The following ITFG2 variants were observed in gnomAD, a reference collection of about 807,000 sequenced individuals.
ITFG2 encodes the protein integrin alpha FG-GAP repeat containing 2, also known as KICSTOR complex protein ITFG2.
In ITFG2, 36 loss-of-function variants were observed where a neutral mutation model predicts 54.4. The ratio of observed to expected loss-of-function variants is 0.66; its 90% confidence interval spans 0.51 to 0.87. ITFG2 has a LOEUF of 0.87. Among genes scored for constraint, ITFG2 ranks in the 40% least tolerant of loss-of-function variants. The pLI is 0.00. For missense variants in ITFG2, 524 were observed against 576.7 expected (o/e 0.91, Z 0.94); for synonymous variants, 211 against 225.4 (o/e 0.94, Z 0.57).
intron 2 of ITFG2, among the ~76,000 whole-genome samples, chr12:2,844,275 T>C (rs1453209596): frequency 6.6e-6 from 1 of 151,242 alleles, no homozygotes; most frequent in Non-Finnish European, 1.5e-5. Flanking sequence ...AAAATAAGGC[T>C]GGGCATGGTG....
chr12:2,851,492 G>A (rs952156308), intron 2 of ITFG2, among the ~76,000 whole-genome samples: 4 of 151,702 alleles, frequency 2.6e-5, no homozygotes, highest in Non-Finnish European at 5.9e-5. Flanking sequence ...ACAGGGCCCC[G>A]CCACCATGCC....
chr12:2,817,463 A>C (rs373045053), intron 2 of ITFG2, 145 bp downstream of exon 2: 1 of 613,964 alleles, frequency 1.6e-6, no homozygotes, highest in Admixed American at 2.9e-5. Flanking sequence ...AGCCAATTTG[A>C]TTCAGGGAGG....
intron 5 of ITFG2, 103 bp from the exon 6 acceptor site, chr12:2,820,621 T>TGGCCCAG: frequency 2.0e-6 from 1 of 491,836 alleles, no homozygotes; most frequent in Non-Finnish European, 3.8e-6. Flanking sequence ...ACTGCTGCCC[T>TGGCCCAG]GCCCCTGCCC....
chr12:2,817,299 C>T lies in ITFG2; in HGVS notation c.173C>T (p.Thr58Ile). 6.2e-7 allele frequency: 1 copy of T among 1,613,296 alleles called. No individual in the cohort carries two copies. The change falls in exon 2 of 12, where the codon ACC becomes ATC. Residue 58 changes from threonine (T) to isoleucine (I), a missense_variant. Transcript: ENST00000228799. ...AATGATGACAGTCGGCCATGGCTCA[C>T]CTGTTCCTGCCAGGGAATGGTCAGT... ...YKNDDSRPWLTCSCQGMLTCV... is the reference protein window; with the variant it reads ...YKNDDSRPWLICSCQGMLTCV...
chr12:2,836,170 C>T (rs751681835), upstream of ITFG2, among the ~76,000 whole-genome samples: 1 of 152,226 alleles, frequency 6.6e-6, no homozygotes, highest in Admixed American at 6.5e-5. Context: ...ATCCCATATA[C>T]AGCTTTGCCT....
chr12:2,858,527 G>A, intron 3 of ITFG2: 2 of 895,300 alleles, frequency 2.2e-6, no homozygotes, highest in Non-Finnish European at 3.3e-6. Context: ...AGGGAGCTAT[G>A]AGGAGCAGAA....
upstream of ITFG2, chr12:2,835,693 AAAG>A (rs1476702564): frequency 6.6e-6 from 1 of 152,240 alleles, no homozygotes; most frequent in Non-Finnish European, 1.5e-5. Context: ...CAGAAGTTAT[AAAG>A]AATAAGATAA....
At chr12:2,825,350 G>A (rs1386998181), downstream of ITFG2, 1 of 152,300 alleles carries the variant, frequency 6.6e-6, no homozygotes, top group African/African-American at 2.4e-5. Flanking sequence ...CATCGACATA[G>A]AGAAACAAGA....
chr12:2,814,380 T>C (rs550668584), intron 1 of ITFG2, among the ~76,000 whole-genome samples: 2 of 152,364 alleles, frequency 1.3e-5, no homozygotes, highest in South Asian at 4.1e-4. Flanking sequence ...ATTGTACTTA[T>C]CTGAAAGAAT....
intron 1 of ITFG2, among the ~76,000 whole-genome samples, chr12:2,839,064 G>C (rs925764486): frequency 6.6e-6 from 1 of 152,130 alleles, no homozygotes; most frequent in Non-Finnish European, 1.5e-5. Context: ...GGCTGAGGCA[G>C]GTGGATCACT....
chr12:2,858,365 C>T (rs1246544201), intron 3 of ITFG2: 1 of 432,022 alleles, frequency 2.3e-6, no homozygotes, highest in Non-Finnish European at 4.2e-6. Flanking sequence ...TGGAAACAGG[C>T]TGGGGGGTTC....
intron 3 of ITFG2, chr12:2,859,504 GTCTCGC>G (rs1338489984): frequency 6.2e-7 from 1 of 1,613,974 alleles, no homozygotes; most frequent in East Asian, 2.2e-5. Flanking sequence ...ACTTTGATGG[GTCTCGC>G]TAAGTGTGGC....
At chr12:2,848,957 C>G (rs2098061351) in intron 2 of ITFG2, 1 of 443,180 alleles carries the variant, frequency 2.3e-6, no homozygotes, top group Admixed American at 4.0e-5. Flanking sequence ...GGAGCCCCTC[C>G]CTGTTCTCCC....
intron 2 of ITFG2, chr12:2,855,102 G>T (rs1028333648): frequency 1.2e-5 from 19 of 1,535,602 alleles, no homozygotes; most frequent in Non-Finnish European, 1.7e-5. Context: ...AGGGAGGGGG[G>T]ATGGGGTGCT....
chr12:2,822,731 G>C, intron 9 of ITFG2, 63 bp from the exon 10 acceptor site: 1 of 1,415,948 alleles, frequency 7.1e-7, no homozygotes, highest in South Asian at 1.2e-5. Context: ...CCAGCTCGCT[G>C]TTTGTCATCC....
rs1407094364 is a variant in ITFG2 at position 2,812,730 on chromosome 12, CCTCTCCGCT to C, written c.-29_-21del. On this transcript the variant is annotated 5_prime_UTR_variant, in exon 1 of 12. Coordinates refer to ENST00000228799, the MANE Select transcript of ITFG2 (RefSeq NM_018463.4). The stretch of plus-strand genomic sequence containing the variant: ...GGGGGTTCAGGGAATATTTACTGGG[CCTCTCCGCT>C]CCCTCTGCTCTTGGAGGTGCCATGA... 1 of 1,574,446 alleles carries C rather than the reference CCTCTCCGCT, an allele frequency of 6.4e-7. No individual in the cohort carries two copies. Among genetic ancestry groups the C allele is most frequent in the Non-Finnish European group, 8.7e-7 (1 of 1,145,788 alleles).
upstream of ITFG2, chr12:2,835,691 A>G (rs1170673999): frequency 2.0e-5 from 3 of 152,222 alleles, no homozygotes; most frequent in Non-Finnish European, 4.4e-5. Context: ...TACAGAAGTT[A>G]TAAAGAATAA....
intron 2 of ITFG2, among the ~76,000 whole-genome samples, chr12:2,851,391 G>A (rs148935852): frequency 6.6e-6 from 1 of 152,058 alleles, no homozygotes; most frequent in Non-Finnish European, 1.5e-5. Context: ...CCTGATGCTC[G>A]AGCACAGTGG....
chr12:2,820,959 G>GCCAACTGCAGACC, intron 6 of ITFG2, 87 bp downstream of exon 6: 1 of 1,413,940 alleles, frequency 7.1e-7, no homozygotes, highest in Non-Finnish European at 9.8e-7. Flanking sequence ...AAATGGGTCT[G>GCCAACTGCAGACC]CAGTTGGCAG....
Sources: gnomAD v4.1 joint callset for allele counts (sites outside exome capture counted in the v4.1 genomes callset) on GRCh38, gnomAD v4.1.1 for gene constraint, MANE v1.5 for transcripts, NCBI Gene and HGNC (gene_info 2026-07-23, HGNC 2026-07-21) for gene names.